TNKS: variants seen among roughly 807,000 people sequenced by gnomAD.
TNKS encodes the protein poly [ADP-ribose] polymerase tankyrase-1.
Under a neutral mutation model 135.8 loss-of-function variants are expected in TNKS, and 72 were observed. The observed-to-expected ratio is 0.53, with a 90% CI of 0.44 to 0.64. The LOEUF is 0.64. Among genes scored for constraint, TNKS ranks in the 30% least tolerant of loss-of-function variants. TNKS has a pLI of 0.00. For synonymous variants in TNKS, 849 were observed against 649.3 expected, an observed-to-expected ratio of 1.31 and a Z score of -4.68; for missense variants, 1,769 against 1,674.0, an observed-to-expected ratio of 1.06 and a Z score of -0.99.
In TNKS at chr8:9,644,700, C is replaced by T. The variant is rs571577339; in HGVS notation, c.994+29023C>T. Among the ~76,000 whole-genome samples the T allele has an allele frequency of 2.6e-4, 39 of 152,234 alleles. No homozygotes were observed. In the South Asian group the frequency reaches 6.4e-3, roughly 25 times the overall value. ...CCTTCAGGAGCTAATTTGCTTTGTG[C>T]GTTGTTCCTTTAGCAATTAAATATG... On this transcript the variant is annotated intron_variant, in intron 3 of 26. Transcript: ENST00000310430.
At chr8:9,603,789 T>C (rs1020100396) in intron 2 of TNKS, among the ~76,000 whole-genome samples, 5 of 152,166 alleles carry the variant, frequency 3.3e-5, no homozygotes, top group Non-Finnish European at 5.9e-5. Context: ...GTTTATCTTA[T>C]GTTCTCAAGA....
chr8:9,698,743 G>A (rs1315866430), intron 5 of TNKS, among the ~76,000 whole-genome samples: 1 of 152,156 alleles, frequency 6.6e-6, no homozygotes, highest in Non-Finnish European at 1.5e-5. Context: ...TGCCTTACAT[G>A]CATGGTTGTA....
intron 3 of TNKS, among the ~76,000 whole-genome samples, chr8:9,662,295 T>C (rs543368524): frequency 0.012 from 1,893 of 152,084 alleles, 39 homozygotes; most frequent in African/African-American, 0.043. Flanking sequence ...CACATGCACA[T>C]GTATGTTTAT....
intron 11 of TNKS, among the ~76,000 whole-genome samples, chr8:9,711,414 C>G (rs111870498): frequency 0.011 from 1,604 of 152,156 alleles, 12 homozygotes; most frequent in Middle Eastern, 0.027. Context: ...TTACTTGTGT[C>G]CAAATGAGTT....
rs539670608 is a variant in TNKS, at chr8:9,759,911, G to T, written c.3154-1605G>T. 2.0e-5 allele frequency among the ~76,000 whole-genome samples: 3 copies of T among 151,890 alleles called. No homozygotes were observed. The East Asian group carries it at 5.8e-4, about 29-fold the overall frequency. On this transcript the variant is annotated intron_variant, in intron 20 of 26. Transcript: ENST00000310430. ...AATGGCGTGAACCCAGGAGGCGGAG[G>T]TTGCAGTGAGCCGCTGAGATCGCGC...
chr8:9,665,201 G>T (rs547693925), intron 3 of TNKS, among the ~76,000 whole-genome samples: 1 of 152,208 alleles, frequency 6.6e-6, no homozygotes, highest in East Asian at 1.9e-4. Context: ...TGGTTTCCTT[G>T]AGCTTCCTGT....
intron 3 of TNKS, among the ~76,000 whole-genome samples, chr8:9,667,272 A>G (rs368471340): frequency 3.3e-5 from 5 of 152,370 alleles, no homozygotes; most frequent in Non-Finnish European, 4.4e-5. Flanking sequence ...TGATCTCTTC[A>G]TTTAAGAAAC....
At chr8:9,570,770 G>A (rs974583459) in intron 1 of TNKS, among the ~76,000 whole-genome samples, 3 of 152,094 alleles carry the variant, frequency 2.0e-5, no homozygotes, top group Admixed American at 1.3e-4. Flanking sequence ...TGCCATACAG[G>A]GTCATTCTCA....
chr8:9,765,318 A>G (rs1177863959), intron 23 of TNKS, among the ~76,000 whole-genome samples: 1 of 152,208 alleles, frequency 6.6e-6, no homozygotes, highest in Non-Finnish European at 1.5e-5. Flanking sequence ...TAAAAGTTAT[A>G]CTGGTACACA....
rs1258087956 is a variant in TNKS at position 9,779,505 on chromosome 8, T to C, written c.*2769T>C. 6.6e-6 allele frequency: 1 copy of C among 152,182 alleles called. No homozygotes were observed. The highest frequency in any genetic ancestry group is 1.9e-4 in the East Asian group (1 of 5,190). 9.4% of individuals were successfully genotyped at this position (152,182 alleles called of 1,614,324 possible). A position where few individuals can be genotyped will look rare whatever the true frequency, so the allele number is the denominator to read the frequency against. On this transcript the variant is annotated 3_prime_UTR_variant, in exon 27 of 27. Coordinates refer to ENST00000310430, the MANE Select transcript of TNKS (RefSeq NM_003747.3). The stretch of plus-strand genomic sequence containing the variant: ...CTTCTCCAGACCTGATGGTTCCAGT[T>C]TACCTGCTGTTGGCCTGCTGGATAC...
intron 3 of TNKS, among the ~76,000 whole-genome samples, chr8:9,645,063 C>T (rs1180499386): frequency 6.6e-6 from 1 of 152,040 alleles, no homozygotes; most frequent in African/African-American, 2.4e-5. Flanking sequence ...AAAGTTAAAC[C>T]AGATGGGACT....
chr8:9,678,033 C>G (rs1263464328), intron 3 of TNKS, among the ~76,000 whole-genome samples: 1 of 152,136 alleles, frequency 6.6e-6, no homozygotes, highest in African/African-American at 2.4e-5. Context: ...CTGGTAAGCT[C>G]TCTAACATTT....
At chr8:9,692,570 C>G (rs554535675) in intron 5 of TNKS, among the ~76,000 whole-genome samples, 1 of 152,184 alleles carries the variant, frequency 6.6e-6, no homozygotes, top group African/African-American at 2.4e-5. Context: ...CTTGAAAGAA[C>G]CGCTGACCAA....
chr8:9,728,377 G>A (rs916401485), intron 13 of TNKS, among the ~76,000 whole-genome samples: 4 of 152,144 alleles, frequency 2.6e-5, no homozygotes, highest in East Asian at 1.9e-4. Context: ...TTTGCCATTC[G>A]AAAGAAAACT....
At chr8:9,629,744 G>A (rs1352119948) in intron 3 of TNKS, among the ~76,000 whole-genome samples, 2 of 152,198 alleles carry the variant, frequency 1.3e-5, no homozygotes, top group Non-Finnish European at 2.9e-5. Flanking sequence ...GTGCAGTGGT[G>A]TCATCTCGGC....
chr8:9,616,745 T>A (rs1478295888), intron 3 of TNKS, among the ~76,000 whole-genome samples: 3 of 152,212 alleles, frequency 2.0e-5, no homozygotes, highest in African/African-American at 7.2e-5. Flanking sequence ...CAATCAAAGA[T>A]TAGTGTATTT....
chr8:9,747,954 A>G, intron 17 of TNKS, 70 bp from the exon 18 acceptor site: 1 of 1,360,622 alleles, frequency 7.3e-7, no homozygotes, highest in South Asian at 1.6e-5. Context: ...AAATAAAAAC[A>G]GGTATACACA....
At chr8:9,643,154 TAAG>T (rs1464136147) in intron 3 of TNKS, among the ~76,000 whole-genome samples, 1 of 146,548 alleles carries the variant, frequency 6.8e-6, no homozygotes, top group Non-Finnish European at 1.5e-5. Context: ...AAGAAATACA[TAAG>T]AACTTCGGCA....
intron 3 of TNKS, among the ~76,000 whole-genome samples, chr8:9,619,886 C>G (rs1481574020): frequency 6.6e-6 from 1 of 151,814 alleles, no homozygotes; most frequent in Non-Finnish European, 1.5e-5. Context: ...GCTCTGTACC[C>G]TGACCACCTA....
Sources: gnomAD v4.1 joint callset for allele counts (sites outside exome capture counted in the v4.1 genomes callset) on GRCh38, gnomAD v4.1.1 for gene constraint, MANE v1.5 for transcripts, NCBI Gene and HGNC (gene_info 2026-07-23, HGNC 2026-07-21) for gene names.